The following TXNRD1 variants were observed in gnomAD, a reference collection of about 807,000 sequenced individuals.
TXNRD1 encodes the protein thioredoxin reductase 1, cytoplasmic.
Under a neutral mutation model 80.3 loss-of-function variants are expected in TXNRD1, and 57 were observed. The observed-to-expected ratio is 0.71, with a 90% CI of 0.57 to 0.89. TXNRD1 has a LOEUF of 0.89. TXNRD1 is among the 40% of genes least tolerant of loss of function. The probability of loss-of-function intolerance (pLI) is 0.00; values close to 1 mark genes in which losing one functional copy is unlikely to be tolerated. For missense variants in TXNRD1, 730 were observed against 803.0 expected, an observed-to-expected ratio of 0.91 and a Z score of 1.10; for synonymous variants, 291 against 285.2, an observed-to-expected ratio of 1.02 and a Z score of -0.20.
chr12:104,293,596 G>A (rs12298916), intron 4 of TXNRD1, among the ~76,000 whole-genome samples: 27 of 152,166 alleles, frequency 1.8e-4, no homozygotes, highest in African/African-American at 6.3e-4. Context: ...AACTACAAGC[G>A]CACACCACCT....
At chr12:104,298,329 C>T (rs749059915) in intron 4 of TXNRD1, among the ~76,000 whole-genome samples, 33 of 152,062 alleles carry the variant, frequency 2.2e-4, no homozygotes, top group Admixed American at 5.2e-4. Flanking sequence ...TTGAAGCCTT[C>T]GTAGGTTTTT....
chr12:104,321,886 A>G (rs150019363), intron 10 of TXNRD1, among the ~76,000 whole-genome samples: 23 of 152,334 alleles, frequency 1.5e-4, no homozygotes, highest in African/African-American at 4.6e-4. Flanking sequence ...GTTTTCATAT[A>G]TGAGTGACAA....
At chr12:104,265,919 T>G in intron 3 of TXNRD1, 2 of 787,122 alleles carry the variant, frequency 2.5e-6, no homozygotes. Flanking sequence ...AAAAGTGATC[T>G]GGCTGGACAA....
intron 1 of TXNRD1, among the ~76,000 whole-genome samples, chr12:104,220,919 A>G (rs1815432348): frequency 6.6e-6 from 1 of 152,212 alleles, no homozygotes; most frequent in Non-Finnish European, 1.5e-5. Flanking sequence ...GGTAGAAACT[A>G]GTCTACATGT....
chr12:104,238,197 ATTG>A (rs773370456), intron 1 of TXNRD1, among the ~76,000 whole-genome samples: 22 of 152,146 alleles, frequency 1.4e-4, no homozygotes, highest in Non-Finnish European at 2.1e-4. Flanking sequence ...TTCGCAGACA[ATTG>A]TTGTCTTGCT....
chr12:104,294,750 T>G (rs1252118635), intron 4 of TXNRD1, among the ~76,000 whole-genome samples: 2 of 152,168 alleles, frequency 1.3e-5, no homozygotes, highest in Non-Finnish European at 2.9e-5. Context: ...AGATTACAGG[T>G]GTGAGCCACT....
At chr12:104,252,658 TTTTTTA>T (rs2033143810) in intron 2 of TXNRD1, among the ~76,000 whole-genome samples, 2 of 10,356 alleles carry the variant, frequency 1.9e-4, no homozygotes, top group African/African-American at 7.5e-4. Context: ...TAATTTATTA[TTTTTTA>T]TATATATATA....
Position 104,325,390 on chromosome 12 carries a change from C to T in TXNRD1, c.1269C>T (p.Ser423=), listed in dbSNP as rs1209859452. The T allele has an allele frequency of 1.9e-6, 3 of 1,613,248 alleles. No individual in the cohort carries two copies. The highest frequency in any genetic ancestry group is 2.5e-6 in the Non-Finnish European group (3 of 1,179,582). The change falls in exon 11 of 17, where the codon TCC becomes TCT. Residue 423 remains serine (S), a synonymous_variant. Transcript: ENST00000525566. Reference sequence around the variant, plus strand: ...GCCGACTCAGAGTAGTAGCTCAGTCCACCAATAGTGAGGAAATCATTGAAG... The same window carrying T: ...GCCGACTCAGAGTAGTAGCTCAGTCTACCAATAGTGAGGAAATCATTGAAG... ...TPGRLRVVAQ[S]TNSEEIIEGE...
chr12:104,309,256 T>C (rs1323407095), intron 4 of TXNRD1, among the ~76,000 whole-genome samples: 2 of 152,172 alleles, frequency 1.3e-5, no homozygotes, highest in African/African-American at 2.4e-5. Flanking sequence ...GTCTTGCCAA[T>C]TGGTAAATTT....
At chr12:104,289,088 G>A in intron 4 of TXNRD1, 48 bp downstream of exon 4, 2 of 1,582,184 alleles carry the variant, frequency 1.3e-6, no homozygotes, top group Non-Finnish European at 1.7e-6. Flanking sequence ...AGCTCGTTGA[G>A]CTCAGCGTGG....
rs2032550801 is a variant in TXNRD1 at position 104,229,164 on chromosome 12, T to TTG, written c.91+13272_91+13273dup. On this transcript the variant is annotated intron_variant, in intron 1 of 16. Transcript: ENST00000525566. ...CTTTTCTTTTTTTTTTTTTTTTTTT[T>TTG]TGAGACAGGGTCTCACTTTGTCACC... Among the ~76,000 whole-genome samples, 4 of 122,870 alleles carry TTG rather than the reference T, an allele frequency of 3.3e-5. 1 individual carries two copies. Among genetic ancestry groups the TTG allele is most frequent in the African/African-American group, 6.0e-5 (2 of 33,338 alleles). The allele number at this position is 122,870 out of a possible 152,430, so 80.6% of individuals were successfully genotyped here.
At chr12:104,228,743 G>A (rs570694651) in intron 1 of TXNRD1, among the ~76,000 whole-genome samples, 115 of 151,690 alleles carry the variant, frequency 7.6e-4, no homozygotes, top group African/African-American at 2.5e-3. Context: ...TTTTTGAGAC[G>A]GAGTCTCGCT....
intron 4 of TXNRD1, among the ~76,000 whole-genome samples, chr12:104,291,774 GC>G (rs888557664): frequency 6.6e-6 from 1 of 152,134 alleles, no homozygotes; most frequent in African/African-American, 2.4e-5. Context: ...GAGCCACCGG[GC>G]CCAGCCCTAT....
intron 15 of TXNRD1, 76 bp from the exon 16 acceptor site, chr12:104,339,063 A>G: frequency 6.4e-7 from 1 of 1,562,012 alleles, no homozygotes; most frequent in South Asian, 1.2e-5. Flanking sequence ...AGACTGGAGA[A>G]ATGCTCTAAG....
At chr12:104,341,916 T>C (rs1299578353) in intron 16 of TXNRD1, among the ~76,000 whole-genome samples, 2 of 152,046 alleles carry the variant, frequency 1.3e-5, no homozygotes, top group East Asian at 3.8e-4. Context: ...GGAATAAACT[T>C]TACTTATATT....
In TXNRD1 at chr12:104,301,945, T is replaced by A. The variant is rs1016396958; in HGVS notation, c.415-9345T>A. Among the ~76,000 whole-genome samples, 3 of 152,236 alleles carry A rather than the reference T, an allele frequency of 2.0e-5. No individual in the cohort carries two copies. In the East Asian group the frequency reaches 5.8e-4, roughly 29 times the overall value. ...AATTCCACGAATCTGTGAACTTAAA[T>A]CTTTGCTGCCAAATAACTTGCAGTA... On this transcript the variant is annotated intron_variant, in intron 4 of 16. Coordinates refer to ENST00000525566, the MANE Select transcript of TXNRD1 (RefSeq NM_001093771.3).
At chr12:104,254,644 A>AAAAAAAAAAAAAAAAAAAATATATAT in intron 2 of TXNRD1, among the ~76,000 whole-genome samples, 1 of 93,650 alleles carries the variant, frequency 1.1e-5, no homozygotes, top group African/African-American at 5.2e-5. Context: ...AAAAAAAAAA[A>AAAAAAAAAAAAAAAAAAAATATATAT]ATATATATAT....
In TXNRD1 at chr12:104,348,494, T is replaced by A; in HGVS notation, c.*73T>A. The A allele has an allele frequency of 6.7e-7, 1 of 1,488,308 alleles. No homozygotes were observed. The highest frequency in any genetic ancestry group is 9.4e-7 in the Non-Finnish European group (1 of 1,068,356). The allele number at this position is 1,488,308 out of a possible 1,614,324, so 92.2% of individuals were successfully genotyped here. ...TCCGTGCCCAAATCCAAGGCGAAGT[T>A]TTCTAGAGGGTTCTTGGGCTCTTGG... On this transcript the variant is annotated 3_prime_UTR_variant, in exon 17 of 17. Coordinates refer to ENST00000525566, the MANE Select transcript of TXNRD1 (RefSeq NM_001093771.3).
In TXNRD1 at chr12:104,340,995, G is replaced by A. The variant is rs77896109; in HGVS notation, c.1881+1722G>A. On this transcript the variant is annotated intron_variant, in intron 16 of 16. Transcript: ENST00000525566. ...TCTGAATTCAGCTCTCAGTGGGCTTGTTGAAAGACTGCTGTGTGCTGGCCT... is the reference window on the plus strand; with the variant it reads ...TCTGAATTCAGCTCTCAGTGGGCTTATTGAAAGACTGCTGTGTGCTGGCCT... Among the ~76,000 whole-genome samples the A allele has an allele frequency of 6.9e-3, 1,053 of 152,318 alleles. 10 individuals carry two copies. The highest frequency in any genetic ancestry group is 0.022 in the African/African-American group (905 of 41,574).
Sources: allele counts gnomAD v4.1 joint callset (sites outside exome capture counted in the v4.1 genomes callset), GRCh38; gene constraint gnomAD v4.1.1; transcripts MANE v1.5; gene names NCBI Gene and HGNC (gene_info 2026-07-23, HGNC 2026-07-21).